Variants in KCNIP1 observed in about 807,000 individuals in gnomAD.
KCNIP1 encodes the protein A-type potassium channel modulatory protein KCNIP1.
KCNIP1 carries 18 observed loss-of-function variants against 33.0 expected under a neutral mutation model. The ratio of observed to expected loss-of-function variants is 0.55; its 90% CI spans 0.38 to 0.81. KCNIP1 has a LOEUF of 0.81. Among genes scored for constraint, KCNIP1 ranks in the 30% least tolerant of loss-of-function variants. The probability of loss-of-function intolerance (pLI) is 0.00; values close to 1 mark genes in which losing one functional copy is unlikely to be tolerated. For synonymous variants in KCNIP1, 93 were observed against 98.3 expected (o/e 0.95, Z 0.32); for missense variants, 238 against 271.6 (o/e 0.88, Z 0.87).
chr5:170,435,289 C>T (rs1173912934), intron 1 of KCNIP1, among the ~76,000 whole-genome samples: 9 of 152,218 alleles, frequency 5.9e-5, no homozygotes, highest in East Asian at 1.9e-4. Flanking sequence ...GGAGAAGTCC[C>T]GGACATTATC....
chr5:170,730,267 T>G (rs953108643), intron 5 of KCNIP1, among the ~76,000 whole-genome samples: 1 of 152,224 alleles, frequency 6.6e-6, no homozygotes, highest in African/African-American at 2.4e-5. Context: ...TTTGGTTCAC[T>G]CATTATTCCA....
At chr5:170,632,559 A>T (rs1760093749) in intron 1 of KCNIP1, among the ~76,000 whole-genome samples, 1 of 152,192 alleles carries the variant, frequency 6.6e-6, no homozygotes, top group Admixed American at 6.5e-5. Context: ...CAAGCACCAC[A>T]ACCTCTCTGG....
chr5:170,367,084 T>G (rs2113298758), intron 1 of KCNIP1, among the ~76,000 whole-genome samples: 1 of 152,208 alleles, frequency 6.6e-6, no homozygotes, highest in South Asian at 2.1e-4. Context: ...TTTGGGAGGC[T>G]GAGGCAGGTG....
intron 5 of KCNIP1, among the ~76,000 whole-genome samples, chr5:170,726,643 T>C (rs2113884735): frequency 6.6e-6 from 1 of 150,656 alleles, no homozygotes; most frequent in South Asian, 2.1e-4. Context: ...CTTACGCCTA[T>C]AATCCCAGTA....
intron 1 of KCNIP1, among the ~76,000 whole-genome samples, chr5:170,411,923 GGA>G (rs968816266): frequency 6.6e-6 from 1 of 152,122 alleles, no homozygotes; most frequent in African/African-American, 2.4e-5. Flanking sequence ...CAGGGTAGAT[GGA>G]GAGAGAGAGG....
intron 1 of KCNIP1, among the ~76,000 whole-genome samples, chr5:170,427,620 C>T (rs1283361689): frequency 7.9e-5 from 12 of 152,316 alleles, no homozygotes; most frequent in South Asian, 4.1e-4. Context: ...CAAACAGGGA[C>T]GTGACCAGTC....
intron 1 of KCNIP1, among the ~76,000 whole-genome samples, chr5:170,632,399 C>T (rs771192163): frequency 3.3e-5 from 5 of 152,232 alleles, no homozygotes; most frequent in African/African-American, 7.2e-5. Flanking sequence ...TGCCCCCTGG[C>T]GCTTCCTTGC....
At chr5:170,731,060 G>C (rs1764176169) in intron 5 of KCNIP1, among the ~76,000 whole-genome samples, 1 of 152,110 alleles carries the variant, frequency 6.6e-6, no homozygotes, top group Non-Finnish European at 1.5e-5. Flanking sequence ...AATAAGTATA[G>C]AAGGAATAAA....
At chr5:170,415,794 A>G (rs1008302453) in intron 1 of KCNIP1, among the ~76,000 whole-genome samples, 39 of 152,046 alleles carry the variant, frequency 2.6e-4, no homozygotes, top group African/African-American at 9.4e-4. Context: ...CTGGCACTCA[A>G]TAGGTTCTCC....
At chr5:170,655,449 C>G (rs1308557477) in intron 1 of KCNIP1, among the ~76,000 whole-genome samples, 1 of 152,228 alleles carries the variant, frequency 6.6e-6, no homozygotes, top group Non-Finnish European at 1.5e-5. Flanking sequence ...CCATTTTGCT[C>G]TGGTTGAATT....
At chr5:170,698,826 G>A (rs2113831716) in intron 1 of KCNIP1, among the ~76,000 whole-genome samples, 1 of 152,298 alleles carries the variant, frequency 6.6e-6, no homozygotes, top group Middle Eastern at 3.4e-3. Flanking sequence ...ATTTAAATCT[G>A]ACAAGAGCCT....
intron 1 of KCNIP1, among the ~76,000 whole-genome samples, chr5:170,617,363 G>T (rs1271186327): frequency 6.6e-6 from 1 of 152,016 alleles, no homozygotes; most frequent in Non-Finnish European, 1.5e-5. Context: ...GTTAAGATGG[G>T]TAGTGGAAAG....
chr5:170,408,239 T>C (rs183295417), intron 1 of KCNIP1, among the ~76,000 whole-genome samples: 7 of 152,262 alleles, frequency 4.6e-5, no homozygotes. Context: ...AGAAGGAGAT[T>C]CAAATTATTG....
chr5:170,683,932 G>A (rs1762453094), intron 1 of KCNIP1, among the ~76,000 whole-genome samples: 1 of 150,084 alleles, frequency 6.7e-6, no homozygotes, highest in African/African-American at 2.5e-5. Flanking sequence ...GTGTGTGTGT[G>A]TGTTAGTAGA....
At chr5:170,611,380 A>G (rs1581395787) in intron 1 of KCNIP1, among the ~76,000 whole-genome samples, 1 of 152,248 alleles carries the variant, frequency 6.6e-6, no homozygotes, top group African/African-American at 2.4e-5. Context: ...GCCCCACAGC[A>G]TCTTCGAAAG....
chr5:170,587,431 A>AAAAAAAAAAAAAAAAAAAAT (rs1758041533), intron 1 of KCNIP1, among the ~76,000 whole-genome samples: 1 of 151,300 alleles, frequency 6.6e-6, no homozygotes, highest in African/African-American at 2.4e-5. Flanking sequence ...CAAAAAAAAA[A>AAAAAAAAAAAAAAAAAAAAT]AAAAAAAAAA....
chr5:170,476,141 T>C (rs1328536535), intron 1 of KCNIP1, among the ~76,000 whole-genome samples: 2 of 152,104 alleles, frequency 1.3e-5, no homozygotes. Flanking sequence ...TCGCTAATTT[T>C]TGTATTTTTT....
intron 1 of KCNIP1, among the ~76,000 whole-genome samples, chr5:170,712,447 C>A (rs905893381): frequency 3.3e-5 from 5 of 152,188 alleles, no homozygotes; most frequent in Non-Finnish European, 5.9e-5. Context: ...AGTTTCCAAT[C>A]ACAAAGAAGC....
At chr5:170,359,955 T>G (rs898543918) in intron 1 of KCNIP1, among the ~76,000 whole-genome samples, 3 of 152,236 alleles carry the variant, frequency 2.0e-5, no homozygotes, top group African/African-American at 7.2e-5. Flanking sequence ...CTGGCACTGC[T>G]GCACAGACAT....
Sources: gnomAD v4.1 joint callset for allele counts (sites outside exome capture counted in the v4.1 genomes callset) on GRCh38, gnomAD v4.1.1 for gene constraint, MANE v1.5 for transcripts, NCBI Gene and HGNC (gene_info 2026-07-23, HGNC 2026-07-21) for gene names.